SMIM14: variants seen among roughly 807,000 people sequenced by gnomAD.
SMIM14 encodes the protein chromosome 4 open reading frame 34.
SMIM14 carries 5 observed loss-of-function variants against 12.6 expected under a neutral mutation model. That is an observed-to-expected ratio of 0.40 (90% CI 0.21 to 0.83). The LOEUF is 0.83. Among genes scored for constraint, SMIM14 ranks in the 40% least tolerant of loss-of-function variants. The probability of loss-of-function intolerance (pLI) is 0.37; values close to 1 mark genes in which losing one functional copy is unlikely to be tolerated. For synonymous variants in SMIM14, 30 were observed against 40.1 expected, an observed-to-expected ratio of 0.75 and a Z score of 0.95; for missense variants, 86 against 119.1, an observed-to-expected ratio of 0.72 and a Z score of 1.29.
At chr4:39,596,015 A>G (rs1178570864) in intron 2 of SMIM14, among the ~76,000 whole-genome samples, 1 of 152,192 alleles carries the variant, frequency 6.6e-6, no homozygotes, top group Admixed American at 6.6e-5. Flanking sequence ...GTTTTAAAAT[A>G]TAAAAATACA....
intron 3 of SMIM14, among the ~76,000 whole-genome samples, chr4:39,570,461 C>CTT (rs1367603266): frequency 6.6e-6 from 1 of 152,026 alleles, no homozygotes; most frequent in Non-Finnish European, 1.5e-5. Flanking sequence ...GCCCGGCAAT[C>CTT]TATCCTTTGT....
chr4:39,604,686 C>T (rs980621637), intron 2 of SMIM14, among the ~76,000 whole-genome samples: 4 of 151,442 alleles, frequency 2.6e-5, no homozygotes, highest in Non-Finnish European at 5.9e-5. Flanking sequence ...TCTCGGCTCA[C>T]AACAATCTCT....
rs141149902 is a variant in SMIM14, at chr4:39,636,904, T to C, written c.-36+1835A>G. ...TGAATGTGGTCTCTGAAAATATGAT[T>C]GTATTTTCAAACTGCGGTTGACCAC... On this transcript the variant is annotated intron_variant, in intron 1 of 4. Coordinates refer to ENST00000295958, the MANE Select transcript of SMIM14 (RefSeq NM_174921.3). Among the ~76,000 whole-genome samples, 593 of 152,322 alleles carry C rather than the reference T, an allele frequency of 3.9e-3. 3 individuals carry two copies. The highest frequency in any genetic ancestry group is 0.014 in the African/African-American group (575 of 41,566).
chr4:39,553,088 T>C (rs1711805780), intron 4 of SMIM14, among the ~76,000 whole-genome samples: 1 of 150,094 alleles, frequency 6.7e-6, no homozygotes, highest in Non-Finnish European at 1.5e-5. Flanking sequence ...TGAGACAGAG[T>C]CTCACTCTGT....
intron 3 of SMIM14, among the ~76,000 whole-genome samples, chr4:39,565,727 A>G (rs1426166644): frequency 6.6e-6 from 1 of 152,170 alleles, no homozygotes; most frequent in South Asian, 2.1e-4. Context: ...ACACAGTGAT[A>G]TGGTTTGGCT....
intron 1 of SMIM14, among the ~76,000 whole-genome samples, chr4:39,614,185 C>CAAAAA (rs60332502): frequency 5.9e-5 from 6 of 102,280 alleles, no homozygotes; most frequent in East Asian, 3.0e-4. Context: ...AACTCCATTA[C>CAAAAA]AAAAAAAAAA....
intron 3 of SMIM14, among the ~76,000 whole-genome samples, chr4:39,569,920 A>T (rs1560286853): frequency 6.6e-6 from 1 of 152,110 alleles, no homozygotes; most frequent in Non-Finnish European, 1.5e-5. Flanking sequence ...GAGTCTATAA[A>T]CAAACCTTAC....
At chr4:39,554,758 A>G (rs976337698) in intron 4 of SMIM14, among the ~76,000 whole-genome samples, 15 of 148,392 alleles carry the variant, frequency 1.0e-4, no homozygotes, top group Non-Finnish European at 2.2e-4. Flanking sequence ...TATATTTGTC[A>G]TATACAACAT....
intron 2 of SMIM14, among the ~76,000 whole-genome samples, chr4:39,592,494 G>A (rs974554573): frequency 1.3e-5 from 2 of 151,852 alleles, no homozygotes; most frequent in Non-Finnish European, 2.9e-5. Context: ...CTTTATGAGA[G>A]GATACTTTTC....
At chr4:39,599,695 G>A (rs575383055) in intron 2 of SMIM14, among the ~76,000 whole-genome samples, 15 of 152,040 alleles carry the variant, frequency 9.9e-5, no homozygotes, top group Non-Finnish European at 1.8e-4. Context: ...AGGCTGAGGC[G>A]GGTGGATCAC....
intron 2 of SMIM14, among the ~76,000 whole-genome samples, chr4:39,591,307 T>C (rs949038501): frequency 2.0e-5 from 3 of 152,032 alleles, no homozygotes; most frequent in African/African-American, 4.8e-5. Context: ...AAAAAGTCCG[T>C]GATATGAGAT....
intron 1 of SMIM14, among the ~76,000 whole-genome samples, chr4:39,635,206 G>A (rs534825183): frequency 9.5e-4 from 144 of 152,292 alleles, no homozygotes; most frequent in Non-Finnish European, 1.5e-3. Flanking sequence ...AGCTTGGCAA[G>A]TTCCAGGGAC....
At chr4:39,554,496 T>TA (rs924517192) in intron 4 of SMIM14, among the ~76,000 whole-genome samples, 42 of 151,996 alleles carry the variant, frequency 2.8e-4, no homozygotes, top group African/African-American at 9.9e-4. Flanking sequence ...TAATCCCAGC[T>TA]ACTCGGTAGG....
Position 39,625,140 on chromosome 4 carries a change from C to T in SMIM14, c.-36+13599G>A, listed in dbSNP as rs138152261. Among the ~76,000 whole-genome samples the T allele has an allele frequency of 1.4e-3, 209 of 150,936 alleles. 1 individual carries two copies. Among genetic ancestry groups the T allele is most frequent in the African/African-American group, 4.7e-3 (194 of 41,116 alleles). On this transcript the variant is annotated intron_variant, in intron 1 of 4. Coordinates refer to ENST00000295958, the MANE Select transcript of SMIM14 (RefSeq NM_174921.3). ...GGCTGAGGCAGGAGAACTGCTTGAC[C>T]CTAGGAGGTGGAGGTTGCAGTGAGC... is the stretch of plus-strand genomic sequence containing the variant.
At chr4:39,575,686 G>C (rs1457423274) in intron 2 of SMIM14, among the ~76,000 whole-genome samples, 2 of 150,096 alleles carry the variant, frequency 1.3e-5, no homozygotes, top group Non-Finnish European at 3.0e-5. Flanking sequence ...CTGGACTCAA[G>C]CGATCCTCCT....
intron 2 of SMIM14, among the ~76,000 whole-genome samples, chr4:39,602,656 C>T (rs1341149036): frequency 6.6e-6 from 1 of 152,100 alleles, no homozygotes; most frequent in Admixed American, 6.6e-5. Flanking sequence ...TCTCCTTAGA[C>T]TCATCTATTT....
Position 39,605,827 on chromosome 4 carries a change from G to A in SMIM14, c.-35-647C>T, listed in dbSNP as rs560859401. Among the ~76,000 whole-genome samples the A allele has an allele frequency of 7.3e-3, 1,107 of 152,192 alleles. 14 individuals are homozygous for A. The highest frequency in any genetic ancestry group is 0.025 in the African/African-American group (1,055 of 41,540). On this transcript the variant is annotated intron_variant, in intron 1 of 4. Coordinates refer to ENST00000295958, the MANE Select transcript of SMIM14 (RefSeq NM_174921.3). The stretch of plus-strand genomic sequence containing the variant: ...ACGATCTCAGCTCACTGCAACCTCC[G>A]CCTCCTGGGTTCAAGAGATTCTCCT...
chr4:39,577,285 T>C (rs1713253268), intron 2 of SMIM14, among the ~76,000 whole-genome samples: 1 of 152,162 alleles, frequency 6.6e-6, no homozygotes, highest in Non-Finnish European at 1.5e-5. Context: ...AGAGAAATTA[T>C]GCCAGTTTAA....
At chr4:39,582,885 C>T (rs754002513) in intron 2 of SMIM14, among the ~76,000 whole-genome samples, 1 of 152,018 alleles carries the variant, frequency 6.6e-6, no homozygotes, top group Non-Finnish European at 1.5e-5. Flanking sequence ...ACCTCCGCCT[C>T]CCGGGTCCAA....
Sources: allele counts gnomAD v4.1 joint callset (sites outside exome capture counted in the v4.1 genomes callset), GRCh38; gene constraint gnomAD v4.1.1; transcripts MANE v1.5; gene names NCBI Gene and HGNC (gene_info 2026-07-23, HGNC 2026-07-21).